The following SSBP3 variants were observed in gnomAD, a reference collection of about 807,000 sequenced individuals.
The protein encoded by SSBP3 is single stranded DNA binding protein 3, also known as single-stranded DNA-binding protein 3.
Under a neutral mutation model 69.6 loss-of-function variants are expected in SSBP3, and 5 were observed. That is an observed-to-expected ratio of 0.07 (90% confidence interval 0.04 to 0.15). The LOEUF is 0.15. Ranked by LOEUF, SSBP3 falls within the 10% of genes least tolerant of loss-of-function variation. SSBP3 has a pLI of 1.00. For missense variants in SSBP3, 312 were observed against 534.0 expected, an observed-to-expected ratio of 0.58 and a Z score of 4.10; for synonymous variants, 196 against 193.4, an observed-to-expected ratio of 1.01 and a Z score of -0.11.
chr1:54,316,430 G>A (rs1646099492), intron 4 of SSBP3, among the ~76,000 whole-genome samples: 2 of 148,664 alleles, frequency 1.3e-5, no homozygotes, highest in Admixed American at 1.3e-4. Context: ...ATGAGGTCAG[G>A]AGATCGAGAC....
intron 4 of SSBP3, among the ~76,000 whole-genome samples, chr1:54,371,888 G>A (rs1007413246): frequency 3.3e-5 from 5 of 151,990 alleles, no homozygotes; most frequent in Middle Eastern, 3.4e-3. Flanking sequence ...CCGAGGGAAG[G>A]GCCTCCCACA....
At chr1:54,303,283 A>AC (rs34800102) in intron 4 of SSBP3, among the ~76,000 whole-genome samples, 47,278 of 151,840 alleles carry the variant, frequency 0.31, 7,593 homozygotes, top group Middle Eastern at 0.4. Context: ...TGCTCCTGCT[A>AC]CCAGTCCCTG....
At chr1:54,295,389 T>C (rs548648894) in intron 4 of SSBP3, among the ~76,000 whole-genome samples, 20 of 152,308 alleles carry the variant, frequency 1.3e-4, no homozygotes, top group Non-Finnish European at 2.6e-4. Flanking sequence ...CTAGTCCAAG[T>C]GGGTACTAAA....
intron 5 of SSBP3, among the ~76,000 whole-genome samples, chr1:54,271,608 C>G (rs1018421227): frequency 6.5e-5 from 1 of 15,494 alleles, no homozygotes; most frequent in African/African-American, 9.2e-4. Flanking sequence ...CTGCGGCCTC[C>G]CTGACGGCCG....
rs534602142 is a variant in SSBP3, at chr1:54,259,551, T to C, written c.367-1402A>G. Reference sequence around the variant, plus strand: ...CCATGACTGTGCTGTTTTTTAGAGGTTGGTTTTTAGAAAAATTCAAAATGT... The same window carrying C: ...CCATGACTGTGCTGTTTTTTAGAGGCTGGTTTTTAGAAAAATTCAAAATGT... On this transcript the variant is annotated intron_variant, in intron 5 of 17. Transcript: ENST00000610401. Among the ~76,000 whole-genome samples, 12 of 152,226 alleles carry C rather than the reference T, an allele frequency of 7.9e-5. No individual in the cohort carries two copies. In the East Asian group the frequency reaches 2.1e-3, roughly 27 times the overall value.
chr1:54,329,012 T>C (rs1646359307), intron 4 of SSBP3, among the ~76,000 whole-genome samples: 1 of 152,192 alleles, frequency 6.6e-6, no homozygotes, highest in South Asian at 2.1e-4. Context: ...CCCTGAAGGG[T>C]ACCTAGATCC....
Position 54,327,549 on chromosome 1 carries a change from G to A in SSBP3, c.277-46022C>T, listed in dbSNP as rs971503410. Among the ~76,000 whole-genome samples, 13 of 152,124 alleles carry A rather than the reference G, an allele frequency of 8.5e-5. No individual in the cohort carries two copies. In the Middle Eastern group the frequency reaches 0.01, roughly 119 times the overall value. On this transcript the variant is annotated intron_variant, in intron 4 of 17. Coordinates refer to ENST00000610401, the Ensembl canonical transcript of SSBP3. ...TAGCCGTTAACATAAATAAAGCATC[G>A]CCCTGGATTTCTTTCTTTCTTTCCC...
intron 4 of SSBP3, among the ~76,000 whole-genome samples, chr1:54,386,018 C>T (rs1422654110): frequency 6.6e-6 from 1 of 152,190 alleles, no homozygotes; most frequent in Non-Finnish European, 1.5e-5. Flanking sequence ...ATGTTGAAAG[C>T]TAAAGGCCAT....
chr1:54,354,370 G>T (rs1317630718), intron 4 of SSBP3, among the ~76,000 whole-genome samples: 1 of 152,182 alleles, frequency 6.6e-6, no homozygotes, highest in Non-Finnish European at 1.5e-5. Context: ...ATAAGCCAAT[G>T]CTGGGACCCT....
chr1:54,268,489 A>C (rs1185505684), intron 5 of SSBP3, among the ~76,000 whole-genome samples: 1 of 152,202 alleles, frequency 6.6e-6, no homozygotes, highest in Non-Finnish European at 1.5e-5. Context: ...GACAGTTATA[A>C]AAAGTAATGA....
intron 14 of SSBP3, among the ~76,000 whole-genome samples, chr1:54,229,915 C>T (rs1341087365): frequency 6.6e-6 from 1 of 152,192 alleles, no homozygotes; most frequent in Non-Finnish European, 1.5e-5. Flanking sequence ...AAGACAGCTG[C>T]AAAGTACAGC....
intron 7 of SSBP3, among the ~76,000 whole-genome samples, chr1:54,255,419 CCT>C (rs1272658485): frequency 6.6e-6 from 1 of 152,154 alleles, no homozygotes; most frequent in Non-Finnish European, 1.5e-5. Context: ...TGCTGGCGCC[CCT>C]ATGTGCCACG....
intron 4 of SSBP3, among the ~76,000 whole-genome samples, chr1:54,351,554 A>G (rs1279440276): frequency 1.3e-5 from 2 of 152,244 alleles, no homozygotes; most frequent in African/African-American, 4.8e-5. Context: ...TGAGGCCACA[A>G]ATGCTAAAAG....
At chr1:54,234,300 C>T (rs1644446863) in intron 14 of SSBP3, among the ~76,000 whole-genome samples, 1 of 148,420 alleles carries the variant, frequency 6.7e-6, no homozygotes, top group Admixed American at 6.7e-5. Flanking sequence ...GTCCCATGAC[C>T]CTGCCAAATC....
intron 14 of SSBP3, among the ~76,000 whole-genome samples, chr1:54,230,436 C>T (rs369933296): frequency 3.3e-5 from 5 of 152,156 alleles, no homozygotes; most frequent in Admixed American, 6.5e-5. Flanking sequence ...ATGAATATGT[C>T]GCTACTTTAA....
At chr1:54,308,443 T>C (rs1450997693) in intron 4 of SSBP3, among the ~76,000 whole-genome samples, 1 of 151,834 alleles carries the variant, frequency 6.6e-6, no homozygotes, top group Non-Finnish European at 1.5e-5. Flanking sequence ...CTACTAAAAA[T>C]ACAAAAAATT....
At chr1:54,255,298 A>G (rs1385110326) in intron 7 of SSBP3, among the ~76,000 whole-genome samples, 1 of 152,048 alleles carries the variant, frequency 6.6e-6, no homozygotes, top group Non-Finnish European at 1.5e-5. Flanking sequence ...CCCTCTCCAT[A>G]TCCTTTAATT....
At chr1:54,240,537 A>C (rs1232395626) in intron 13 of SSBP3, among the ~76,000 whole-genome samples, 1 of 151,472 alleles carries the variant, frequency 6.6e-6, no homozygotes, top group Non-Finnish European at 1.5e-5. Context: ...GAGCTACGGA[A>C]ACTCCAAAGG....
At chr1:54,399,296 T>C (rs1295196904) in intron 4 of SSBP3, among the ~76,000 whole-genome samples, 1 of 152,222 alleles carries the variant, frequency 6.6e-6, no homozygotes, top group Non-Finnish European at 1.5e-5. Flanking sequence ...CCAAGCCAGG[T>C]GGTGTTAGAA....
Sources: allele counts gnomAD v4.1 joint callset (sites outside exome capture counted in the v4.1 genomes callset), GRCh38; gene constraint gnomAD v4.1.1; transcripts MANE v1.5; gene names NCBI Gene and HGNC (gene_info 2026-07-23, HGNC 2026-07-21).